Variants in EPHA3 observed in about 807,000 individuals in gnomAD.
EPHA3 encodes the protein EPH receptor A3, also known as ephrin type-A receptor 3.
EPHA3 carries 42 observed loss-of-function variants against 107.1 expected under a neutral mutation model. That is an observed-to-expected ratio of 0.39 (90% CI 0.31 to 0.51). The LOEUF is 0.51. EPHA3 is among the 20% of genes least tolerant of loss of function. The pLI, the probability that EPHA3 is intolerant of heterozygous loss-of-function variation, is 0.78. For missense variants in EPHA3, 1,183 were observed against 1,211.2 expected (o/e 0.98, Z 0.35); for synonymous variants, 461 against 424.8 (o/e 1.09, Z -1.05).
chr3:89,259,774 A>T (rs1705371889), intron 3 of EPHA3, among the ~76,000 whole-genome samples: 1 of 152,116 alleles, frequency 6.6e-6, no homozygotes. Flanking sequence ...AGATCTTTAG[A>T]TTTGTTCATA....
At chr3:89,112,342 C>T (rs1256072626) in intron 1 of EPHA3, among the ~76,000 whole-genome samples, 7 of 152,000 alleles carry the variant, frequency 4.6e-5, no homozygotes, top group Non-Finnish European at 1.0e-4. Flanking sequence ...ATATTAACAA[C>T]TTAGTAATCT....
At chr3:89,154,881 T>A (rs1203473293) in intron 2 of EPHA3, among the ~76,000 whole-genome samples, 2 of 147,902 alleles carry the variant, frequency 1.4e-5, no homozygotes. Flanking sequence ...CATATATATA[T>A]AAAATATATA....
Position 89,129,339 on chromosome 3 carries a change from T to C in EPHA3, c.153+2066T>C, listed in dbSNP as rs145946160. On this transcript the variant is annotated intron_variant, in intron 2 of 16. Coordinates refer to ENST00000336596, the MANE Select transcript of EPHA3 (RefSeq NM_005233.6). ...GCAACTGTGATTTTCCTATTTCTGA[T>C]GCATAAAATAGCCTAAAACAGTTGG... Among the ~76,000 whole-genome samples the C allele has an allele frequency of 1.1e-4, 17 of 152,254 alleles. No individual in the cohort carries two copies. In the East Asian group the frequency reaches 1.9e-3, roughly 17 times the overall value.
intron 3 of EPHA3, among the ~76,000 whole-genome samples, chr3:89,264,016 A>G (rs1192943587): frequency 1.3e-5 from 2 of 152,122 alleles, no homozygotes; most frequent in African/African-American, 4.8e-5. Context: ...CGTCCATCCC[A>G]TGTGCAACAC....
At chr3:89,369,391 C>A (rs1413692052) in intron 5 of EPHA3, among the ~76,000 whole-genome samples, 1 of 150,578 alleles carries the variant, frequency 6.6e-6, no homozygotes, top group African/African-American at 2.4e-5. Context: ...GAAAAACAAG[C>A]AATGGGGAAA....
At chr3:89,260,527 G>A (rs1576272302) in intron 3 of EPHA3, among the ~76,000 whole-genome samples, 2 of 151,766 alleles carry the variant, frequency 1.3e-5, no homozygotes. Flanking sequence ...TTTAAATCAG[G>A]TTATTTATTT....
rs1707529011 is a variant in EPHA3, at chr3:89,341,800, C to T, written c.1016C>T (p.Thr339Ile). ...AATGTTATCTCTAATATAAACGAGACCTCAGTTATCCTGGACTGGAGTTGG... is the reference window on the plus strand; with the variant it reads ...AATGTTATCTCTAATATAAACGAGATCTCAGTTATCCTGGACTGGAGTTGG... ...PRNVISNINETSVILDWSWPL... is the reference protein window; with the variant it reads ...PRNVISNINEISVILDWSWPL... The change falls in exon 5 of 17, where the codon ACC becomes ATC. Residue 339 changes from threonine (T) to isoleucine (I), a missense_variant. By Grantham distance (89) the Thr-to-Ile change is moderately conservative. Transcript: ENST00000336596. 1 of 1,613,774 alleles carries T rather than the reference C, an allele frequency of 6.2e-7. No individual in the cohort carries two copies. The highest frequency in any genetic ancestry group is 1.7e-5 in the Admixed American group (1 of 59,942).
intron 5 of EPHA3, among the ~76,000 whole-genome samples, chr3:89,356,363 T>C (rs1707956311): frequency 6.6e-6 from 1 of 150,986 alleles, no homozygotes; most frequent in Admixed American, 6.6e-5. Context: ...ATGGAATGGC[T>C]GGGTCAAATG....
chr3:89,121,319 C>A (rs1263762199), intron 1 of EPHA3, among the ~76,000 whole-genome samples: 2 of 152,140 alleles, frequency 1.3e-5, no homozygotes, highest in African/African-American at 4.8e-5. Context: ...TATAAATTAA[C>A]ATTTCTGTGA....
intron 2 of EPHA3, among the ~76,000 whole-genome samples, chr3:89,201,636 T>C (rs190178689): frequency 3.2e-4 from 48 of 152,348 alleles, no homozygotes; most frequent in African/African-American, 1.1e-3. Flanking sequence ...AAAAATTGGG[T>C]TAATAATCAT....
intron 3 of EPHA3, among the ~76,000 whole-genome samples, chr3:89,315,668 T>C (rs953213564): frequency 2.0e-5 from 3 of 151,458 alleles, no homozygotes; most frequent in Non-Finnish European, 2.9e-5. Context: ...AGCTTAGCAG[T>C]TCTGAAAGGG....
intron 5 of EPHA3, among the ~76,000 whole-genome samples, chr3:89,381,907 A>G (rs1002547185): frequency 2.0e-5 from 3 of 152,160 alleles, no homozygotes; most frequent in Admixed American, 6.5e-5. Context: ...CAGTCTCCAC[A>G]GCTGTAAGAA....
At chr3:89,293,602 C>T (rs1200119422) in intron 3 of EPHA3, among the ~76,000 whole-genome samples, 6 of 152,070 alleles carry the variant, frequency 3.9e-5, no homozygotes, top group African/African-American at 2.4e-5. Context: ...GGACAATTTC[C>T]CCATGCGTTT....
At position 89,357,565 on chromosome 3, in the gene EPHA3, A is replaced by G. The variant is rs1366664092; in HGVS notation, c.1306+15475A>G. Among the ~76,000 whole-genome samples the G allele has an allele frequency of 9.9e-5, 15 of 151,330 alleles. No homozygotes were observed. In the Admixed American group the frequency reaches 9.9e-4, roughly 10 times the overall value. ...CCACCTAAGGAGGGCAATTGGGTAT[A>G]TATCCTCTAAAATGAAGTACATGTT... is the stretch of plus-strand genomic sequence containing the variant. On this transcript the variant is annotated intron_variant, in intron 5 of 16. Coordinates refer to ENST00000336596, the MANE Select transcript of EPHA3 (RefSeq NM_005233.6).
intron 13 of EPHA3, among the ~76,000 whole-genome samples, chr3:89,443,093 A>G (rs915388880): frequency 6.6e-6 from 1 of 152,162 alleles, no homozygotes; most frequent in Non-Finnish European, 1.5e-5. Flanking sequence ...AATTTTTTTA[A>G]TGTTTTAACA....
chr3:89,247,467 G>GT (rs998516078), intron 3 of EPHA3, among the ~76,000 whole-genome samples: 10 of 152,148 alleles, frequency 6.6e-5, no homozygotes, highest in African/African-American at 2.4e-4. Context: ...AACAGAAAAT[G>GT]TTATCTGGAG....
At chr3:89,356,909 C>T (rs899506707) in intron 5 of EPHA3, among the ~76,000 whole-genome samples, 4 of 149,936 alleles carry the variant, frequency 2.7e-5, no homozygotes, top group African/African-American at 9.7e-5. Context: ...TCAAAACCAT[C>T]ATGGGAAACA....
intron 7 of EPHA3, among the ~76,000 whole-genome samples, chr3:89,404,728 A>G (rs545672356): frequency 3.3e-4 from 51 of 152,316 alleles, no homozygotes; most frequent in African/African-American, 1.2e-3. Flanking sequence ...CTGTGGAGAA[A>G]TCCTAGTTTA....
chr3:89,378,124 C>T (rs1348980718), intron 5 of EPHA3, among the ~76,000 whole-genome samples: 4 of 151,768 alleles, frequency 2.6e-5, no homozygotes, highest in African/African-American at 9.7e-5. Context: ...GGGTGGGGGA[C>T]TAGGGGAGGG....
Sources: allele counts gnomAD v4.1 joint callset (sites outside exome capture counted in the v4.1 genomes callset), GRCh38; gene constraint gnomAD v4.1.1; transcripts MANE v1.5; gene names NCBI Gene and HGNC (gene_info 2026-07-23, HGNC 2026-07-21).